Variants in LDAH observed in about 807,000 individuals in gnomAD.
LDAH encodes lipid droplet-associated hydrolase.
Under a neutral mutation model 29.6 loss-of-function variants are expected in LDAH, and 26 were observed. The observed-to-expected ratio is 0.88, with a 90% confidence interval of 0.64 to 1.22. The LOEUF (loss-of-function observed/expected upper bound fraction) is 1.22. Ranked by LOEUF, LDAH falls within the 50% of genes most tolerant of loss-of-function variation. The pLI is 0.00. For missense variants in LDAH, 344 were observed against 387.3 expected (o/e 0.89, Z 0.94); for synonymous variants, 117 against 133.0 (o/e 0.88, Z 0.83).
intron 1 of LDAH, among the ~76,000 whole-genome samples, chr2:20,808,242 A>T (rs1198761355): frequency 6.6e-6 from 1 of 152,234 alleles, no homozygotes; most frequent in Non-Finnish European, 1.5e-5. Flanking sequence ...CACTAGTATA[A>T]ACTCCAAATT....
intron 4 of LDAH, among the ~76,000 whole-genome samples, chr2:20,758,904 T>C (rs1167917112): frequency 6.6e-6 from 1 of 152,208 alleles, no homozygotes; most frequent in Non-Finnish European, 1.5e-5. Flanking sequence ...ACAAGGGCCT[T>C]AAGGAGAACC....
At chr2:20,810,970 AT>A (rs535033750) in intron 1 of LDAH, among the ~76,000 whole-genome samples, 2 of 151,708 alleles carry the variant, frequency 1.3e-5, no homozygotes, top group African/African-American at 4.8e-5. Flanking sequence ...TTGTGGAAAA[AT>A]TGACTTCCAC....
intron 1 of LDAH, among the ~76,000 whole-genome samples, chr2:20,821,160 T>C (rs1673254145): frequency 6.6e-6 from 1 of 152,228 alleles, no homozygotes; most frequent in Non-Finnish European, 1.5e-5. Flanking sequence ...ACTTTTACAC[T>C]GTTGGTGGGA....
At position 20,722,653 on chromosome 2, in the gene LDAH, A is replaced by G. The variant is rs923523926; in HGVS notation, c.703+17318T>C. Among the ~76,000 whole-genome samples the G allele has an allele frequency of 2.0e-5, 3 of 152,330 alleles. No homozygotes were observed. In the South Asian group the frequency reaches 6.2e-4, roughly 32 times the overall value. On this transcript the variant is annotated intron_variant, in intron 5 of 6. Coordinates refer to ENST00000237822, the MANE Select transcript of LDAH (RefSeq NM_021925.4). ...AGAGATGGATACCCCATTTACCCTAATCTGATCATAACACAGTGTATACAG... is the reference window on the plus strand; with the variant it reads ...AGAGATGGATACCCCATTTACCCTAGTCTGATCATAACACAGTGTATACAG...
At position 20,770,820 on chromosome 2, in the gene LDAH, G is replaced by A. The variant is rs540227; in HGVS notation, c.468+3990C>T. ...CTTTTTATACTCACAGCTAATACCA[G>A]TATGCCCCACCCCAGATTCAGGCAG... On this transcript the variant is annotated intron_variant, in intron 4 of 6. Transcript: ENST00000237822. 8.1e-3 allele frequency among the ~76,000 whole-genome samples: 1,237 copies of A among 152,218 alleles called. 19 individuals are homozygous for A. Among genetic ancestry groups the A allele is most frequent in the African/African-American group, 0.028 (1,181 of 41,546 alleles).
At chr2:20,683,934 T>C (rs1662385814), downstream of LDAH, 2 of 151,994 alleles carry the variant, frequency 1.3e-5, no homozygotes, top group Admixed American at 6.6e-5. Context: ...AAATGACAGA[T>C]CTGGGATTTG....
chr2:20,802,139 A>G (rs1671750494), intron 1 of LDAH, among the ~76,000 whole-genome samples: 2 of 152,014 alleles, frequency 1.3e-5, no homozygotes, highest in Non-Finnish European at 1.5e-5. Context: ...GGCTCACTGC[A>G]AACTCTGCCT....
intron 6 of LDAH, among the ~76,000 whole-genome samples, chr2:20,693,964 A>G (rs114372438): frequency 1.1e-3 from 171 of 152,378 alleles, no homozygotes; most frequent in African/African-American, 3.9e-3. Context: ...TTTCTTCCAG[A>G]GGTCTAAGAA....
At chr2:20,761,547 A>G (rs189924099) in intron 4 of LDAH, among the ~76,000 whole-genome samples, 9 of 152,302 alleles carry the variant, frequency 5.9e-5, no homozygotes, top group African/African-American at 9.6e-5. Context: ...TCTTTTGTCT[A>G]TTTATAAACT....
chr2:20,794,120 A>G (rs1471246891), intron 2 of LDAH, among the ~76,000 whole-genome samples: 1 of 152,194 alleles, frequency 6.6e-6, no homozygotes, highest in East Asian at 1.9e-4. Flanking sequence ...GAAGGCAAGG[A>G]GTAGCAAGTC....
chr2:20,819,607 C>T (rs543291106), intron 1 of LDAH, among the ~76,000 whole-genome samples: 40 of 152,194 alleles, frequency 2.6e-4, no homozygotes, highest in African/African-American at 8.9e-4. Context: ...ATTGATGGGA[C>T]GTATCCCAAA....
chr2:20,712,414 A>T (rs1664835126), intron 5 of LDAH, among the ~76,000 whole-genome samples: 1 of 152,262 alleles, frequency 6.6e-6, no homozygotes, highest in South Asian at 2.1e-4. Context: ...GGTAGACAAA[A>T]TCACAAAGAT....
chr2:20,751,373 C>T (rs1667959245), intron 4 of LDAH, among the ~76,000 whole-genome samples: 2 of 152,168 alleles, frequency 1.3e-5, no homozygotes, highest in Non-Finnish European at 2.9e-5. Flanking sequence ...TCCAGTTAGT[C>T]CTCCTATAGA....
Position 20,740,740 on chromosome 2 carries a change from A to C in LDAH, c.469-535T>G, listed in dbSNP as rs75726715. Among the ~76,000 whole-genome samples the C allele has an allele frequency of 3.3e-3, 498 of 152,348 alleles. 2 individuals carry two copies. Among genetic ancestry groups the C allele is most frequent in the Non-Finnish European group, 5.7e-3 (385 of 68,040 alleles). ...GCAATTATGAATAAAGCTGCTATAA[A>C]TGCCCATGTGCACTAAGTTTTCAAC... On this transcript the variant is annotated intron_variant, in intron 4 of 6. Coordinates refer to ENST00000237822, the MANE Select transcript of LDAH (RefSeq NM_021925.4).
chr2:20,691,319 C>T (rs781554440), intron 6 of LDAH, among the ~76,000 whole-genome samples: 17 of 151,646 alleles, frequency 1.1e-4, no homozygotes, highest in Admixed American at 5.3e-4. Context: ...GAATCACAAG[C>T]GCATGCCACC....
At chr2:20,760,943 G>A (rs780172020) in intron 4 of LDAH, among the ~76,000 whole-genome samples, 39 of 152,112 alleles carry the variant, frequency 2.6e-4, no homozygotes, top group African/African-American at 7.2e-4. Context: ...AAGTCTGTCC[G>A]CCACACCCCT....
rs1460544380 is a variant in LDAH, at chr2:20,801,383, T to G, written c.81A>C (p.Lys27Asn). ...GAAAGAGGTCTGTCCAGGGCCCACA[T>G]TTTAGAACCTGGGTTTCGGCTCCAC... is the stretch of plus-strand genomic sequence containing the variant. ...LCGGAETQVL[K>N]CGPWTDLFHD... is the part of the protein sequence containing the mutation. Residue 27 changes from lysine to asparagine, a missense_variant, in exon 2 of 7, where the codon AAA becomes AAC. Physicochemically the swap from Lys to Asn is moderately conservative, Grantham distance 94. Transcript: ENST00000237822. The G allele has an allele frequency of 9.9e-6, 16 of 1,613,990 alleles. No individual in the cohort carries two copies. The highest frequency in any genetic ancestry group is 1.3e-5 in the African/African-American group (1 of 74,924).
intron 5 of LDAH, among the ~76,000 whole-genome samples, chr2:20,706,093 T>A (rs967149721): frequency 3.9e-5 from 6 of 152,250 alleles, no homozygotes; most frequent in African/African-American, 1.4e-4. Context: ...GGCTAATGTC[T>A]ACCTTACTGA....
At position 20,685,086 on chromosome 2, in the gene LDAH, C is replaced by A; in HGVS notation, c.*1817G>T. On this transcript the variant is annotated 3_prime_UTR_variant, in exon 7 of 7. Transcript: ENST00000237822. ...TGGTAAAACATTTATTTCAAAAATT[C>A]ATTTGGTTTTCAGATGATAAATAGG... 2 of 898,616 alleles carry A rather than the reference C, an allele frequency of 2.2e-6. No homozygotes were observed. Among genetic ancestry groups the A allele is most frequent in the Non-Finnish European group, 3.1e-6 (2 of 646,570 alleles). 55.7% of individuals were successfully genotyped at this position (898,616 alleles called of 1,614,324 possible).
Sources: allele counts gnomAD v4.1 joint callset (sites outside exome capture counted in the v4.1 genomes callset), GRCh38; gene constraint gnomAD v4.1.1; transcripts MANE v1.5; gene names NCBI Gene and HGNC (gene_info 2026-07-23, HGNC 2026-07-21).